NEK9: variants seen among roughly 807,000 people sequenced by gnomAD.
NEK9 encodes the protein serine/threonine-protein kinase Nek9.
In NEK9, 75 loss-of-function variants were observed where a neutral mutation model predicts 123.4. The observed-to-expected ratio is 0.61, with a 90% CI of 0.50 to 0.74. NEK9 has a LOEUF of 0.74. Among genes scored for constraint, NEK9 ranks in the 30% least tolerant of loss-of-function variants. The pLI, the probability that NEK9 is intolerant of heterozygous loss-of-function variation, is 0.00. For synonymous variants in NEK9, 438 were observed against 458.7 expected, an observed-to-expected ratio of 0.95 and a Z score of 0.58; for missense variants, 952 against 1,214.4, an observed-to-expected ratio of 0.78 and a Z score of 3.21.
intron 15 of NEK9, among the ~76,000 whole-genome samples, chr14:75,101,357 C>T (rs1894573806): frequency 6.6e-6 from 1 of 152,188 alleles, no homozygotes; most frequent in African/African-American, 2.4e-5. Flanking sequence ...ATATTGTATT[C>T]TCTCTCCAGT....
At chr14:75,093,366 C>T (rs963437867) in intron 18 of NEK9, among the ~76,000 whole-genome samples, 2 of 152,334 alleles carry the variant, frequency 1.3e-5, no homozygotes, top group Non-Finnish European at 2.9e-5. Flanking sequence ...CAGATGAAAC[C>T]ATTCTGTTTA....
chr14:75,123,134 C>T (rs192517796), intron 2 of NEK9, among the ~76,000 whole-genome samples: 7 of 152,150 alleles, frequency 4.6e-5, no homozygotes, highest in Admixed American at 4.6e-4. Context: ...GGCATGGTGG[C>T]TTAAGCCTGT....
chr14:75,118,710 G>A, intron 5 of NEK9, 120 bp downstream of exon 5: 1 of 646,730 alleles, frequency 1.5e-6, no homozygotes, highest in Non-Finnish European at 2.7e-6. Context: ...CTGAAGACAT[G>A]CATTAAAAGT....
chr14:75,105,977 T>C lies in NEK9; in HGVS notation c.1548A>G (p.Ser516=). ...TTTGTGGTGTATAATAATCCTCTTC[T>C]GAATCCAAACCCAGTCGTCCTGAAA... ...CGEYGRLGLD[S]EEDYYTPQKV... is the part of the protein sequence containing the mutation. Residue 516 remains serine, a synonymous_variant, in exon 13 of 22, where the codon TCA becomes TCG. Coordinates refer to ENST00000238616, the MANE Select transcript of NEK9 (RefSeq NM_033116.6). 1 of 1,613,736 alleles carries C rather than the reference T, an allele frequency of 6.2e-7. No individual in the cohort carries two copies. The highest frequency in any genetic ancestry group is 8.5e-7 in the Non-Finnish European group (1 of 1,179,608).
intron 19 of NEK9, among the ~76,000 whole-genome samples, chr14:75,090,321 C>A (rs1407510452): frequency 3.3e-5 from 5 of 150,598 alleles, no homozygotes; most frequent in Non-Finnish European, 5.9e-5. Context: ...TTTCACAAAC[C>A]ATAAATATTT....
chr14:75,113,037 C>G (rs1166050579), intron 8 of NEK9, among the ~76,000 whole-genome samples: 1 of 152,186 alleles, frequency 6.6e-6, no homozygotes, highest in Non-Finnish European at 1.5e-5. Flanking sequence ...ATAAGGATGT[C>G]TGAGTCCAGA....
At chr14:75,092,416 G>A (rs1034246705) in intron 18 of NEK9, among the ~76,000 whole-genome samples, 1 of 151,514 alleles carries the variant, frequency 6.6e-6, no homozygotes, top group Non-Finnish European at 1.5e-5. Flanking sequence ...ACAGGTGCCC[G>A]CCACCATGCC....
intron 12 of NEK9, 160 bp from the exon 13 acceptor site, chr14:75,106,156 G>C: frequency 1.5e-6 from 1 of 668,830 alleles, no homozygotes; most frequent in Non-Finnish European, 2.7e-6. Flanking sequence ...AAGTTCGAGC[G>C]AGACAAGCCT....
chr14:75,087,477 T>C lies in NEK9; in HGVS notation c.2605-247A>G, dbSNP rs554176507. ...CAAGGTGGGAGACCAATCATCTATT[T>C]TGGAGGACTTTGTGAAAAATTTTAA... On this transcript the variant is annotated intron_variant, in intron 20 of 21. Transcript: ENST00000238616. Among the ~76,000 whole-genome samples the C allele has an allele frequency of 3.9e-5, 6 of 152,324 alleles. No individual in the cohort carries two copies. The South Asian group carries it at 1.2e-3, about 32-fold the overall frequency.
chr14:75,119,547 G>A (rs911181897), intron 4 of NEK9, among the ~76,000 whole-genome samples: 13 of 152,108 alleles, frequency 8.5e-5, no homozygotes, highest in African/African-American at 2.9e-4. Flanking sequence ...TGAGGAAAAT[G>A]GTGCTCTAGG....
intron 7 of NEK9, 92 bp downstream of exon 7, chr14:75,114,111 G>T: frequency 2.4e-6 from 2 of 837,148 alleles, no homozygotes; most frequent in South Asian, 1.5e-5. Context: ...AAGTGGATGT[G>T]GTTTTGTATG....
intron 16 of NEK9, among the ~76,000 whole-genome samples, chr14:75,097,814 C>A (rs114875332): frequency 1.3e-5 from 2 of 151,980 alleles, no homozygotes; most frequent in Non-Finnish European, 2.9e-5. Context: ...ACTGGAGTGA[C>A]GAAGAGTTTC....
Position 75,126,736 on chromosome 14 carries a change from G to C in NEK9, c.186C>G (p.Ala62=). The part of the protein sequence containing the change: ...YIPIRVLGRG[A]FGEATLYRRT... The stretch of plus-strand genomic sequence containing the variant: ...GGCGGTACAGCGTGGCTTCCCCGAA[G>C]GCGCCGCGGCCCAGGACGCGGATGG... Residue 62 remains alanine (A), a synonymous_variant, in exon 1 of 22, where the codon GCC becomes GCG. Coordinates refer to ENST00000238616, the MANE Select transcript of NEK9 (RefSeq NM_033116.6). The C allele has an allele frequency of 6.7e-7, 1 of 1,487,880 alleles. No homozygotes were observed. The highest frequency in any genetic ancestry group is 8.9e-7 in the Non-Finnish European group (1 of 1,119,850). The allele number at this position is 1,487,880 out of a possible 1,614,324, so 92.2% of individuals were successfully genotyped here. A position where few individuals can be genotyped will look rare whatever the true frequency, so the allele number is the denominator to read the frequency against.
rs922866939 is a variant in NEK9, at chr14:75,126,636, C to A, written c.219+67G>T. ...AGCTCACGACGCTGGGAAAGCGGGG[C>A]CGAGAAGGAGGGACTCGGGGCGACC... On this transcript the variant is annotated intron_variant, in intron 1 of 21. Coordinates refer to ENST00000238616, the MANE Select transcript of NEK9 (RefSeq NM_033116.6). 18 of 1,252,912 alleles carry A rather than the reference C, an allele frequency of 1.4e-5. No homozygotes were observed. In the African/African-American group the frequency reaches 2.9e-4, roughly 20 times the overall value. 77.6% of individuals were successfully genotyped at this position (1,252,912 alleles called of 1,614,324 possible). A position where few individuals can be genotyped will look rare whatever the true frequency, so the allele number is the denominator to read the frequency against.
chr14:75,112,269 G>A (rs372853009), intron 8 of NEK9, among the ~76,000 whole-genome samples: 5 of 152,280 alleles, frequency 3.3e-5, no homozygotes, highest in East Asian at 3.9e-4. Flanking sequence ...AGGAAGAAGC[G>A]TAGCAAGGCA....
intron 20 of NEK9, 74 bp from the exon 21 acceptor site, chr14:75,087,304 G>T: frequency 9.2e-7 from 1 of 1,088,440 alleles, no homozygotes; most frequent in Non-Finnish European, 1.4e-6. Context: ...CTTCCTCTAA[G>T]TGCAATCGGA....
chr14:75,101,779 A>C lies in NEK9; in HGVS notation c.1732-14T>G. 6.3e-7 allele frequency: 1 copy of C among 1,580,878 alleles called. No homozygotes were observed. The highest frequency in any genetic ancestry group is 1.1e-5 in the South Asian group (1 of 90,264). On this transcript the variant is annotated splice_polypyrimidine_tract_variant and intron_variant, in intron 14 of 21. Transcript: ENST00000238616. ...TTCATGGTATGCCTGAAACAAAATA[A>C]AACACAAAGCAGATGCATGAGGTAA...
At chr14:75,124,507 ATT>A (rs1465799509) in intron 1 of NEK9, among the ~76,000 whole-genome samples, 1 of 152,204 alleles carries the variant, frequency 6.6e-6, no homozygotes, top group Non-Finnish European at 1.5e-5. Context: ...AAAAGATTCT[ATT>A]GAGGATACTA....
Position 75,081,878 on chromosome 14 carries a change from C to T in NEK9, c.*2686G>A, listed in dbSNP as rs187313055. 142 of 152,094 alleles carry T rather than the reference C, an allele frequency of 9.3e-4. No homozygotes were observed. Among genetic ancestry groups the T allele is most frequent in the African/African-American group, 3.2e-3 (133 of 41,482 alleles). 9.4% of individuals were successfully genotyped at this position (152,094 alleles called of 1,614,324 possible). A position where few individuals can be genotyped will look rare whatever the true frequency, so the allele number is the denominator to read the frequency against. Reference sequence around the variant, plus strand: ...CATTTTTTCCCTCCCTCTGCACTTTCGGCACTTTTAGACATTTTTGGGAAA... The same window carrying T: ...CATTTTTTCCCTCCCTCTGCACTTTTGGCACTTTTAGACATTTTTGGGAAA... On this transcript the variant is annotated 3_prime_UTR_variant, in exon 22 of 22. Transcript: ENST00000238616. The surrounding 1 kb of genome is among the most constrained non-coding windows in gnomAD (Gnocchi z 4.2).
Sources: allele counts gnomAD v4.1 joint callset (sites outside exome capture counted in the v4.1 genomes callset), GRCh38; gene constraint gnomAD v4.1.1; non-coding constraint Gnocchi (gnomAD v3.1); transcripts MANE v1.5; gene names NCBI Gene and HGNC (gene_info 2026-07-23, HGNC 2026-07-21).